Variants in MBP observed in about 807,000 individuals in gnomAD.
The protein encoded by MBP is Golli-MBP.
A neutral mutation model predicts 35.8 loss-of-function variants in MBP; 16 were observed. The ratio of observed to expected loss-of-function variants is 0.45; its 90% confidence interval spans 0.30 to 0.68. The LOEUF (loss-of-function observed/expected upper bound fraction) is 0.68. Among genes scored for constraint, MBP ranks in the 30% least tolerant of loss-of-function variants. The pLI, the probability that MBP is intolerant of heterozygous loss-of-function variation, is 0.08. For synonymous variants in MBP, 143 were observed against 159.6 expected (o/e 0.90, Z 0.78); for missense variants, 380 against 404.7 (o/e 0.94, Z 0.52).
intron 3 of MBP, among the ~76,000 whole-genome samples, chr18:77,037,195 G>C (rs1185244402): frequency 6.7e-6 from 1 of 149,136 alleles, no homozygotes. Context: ...TCACGTTTTG[G>C]AGACAGAGCT....
In MBP at chr18:77,089,748, C is replaced by A. The variant is rs533453789; in HGVS notation, c.51+15463G>T. 3.3e-5 allele frequency among the ~76,000 whole-genome samples: 5 copies of A among 152,334 alleles called. No homozygotes were observed. In the South Asian group the frequency reaches 1.0e-3, roughly 32 times the overall value. On this transcript the variant is annotated intron_variant, in intron 2 of 8. Coordinates refer to ENST00000355994, the MANE Select transcript of MBP (RefSeq NM_001025101.2). ...CCGTGACTTTTACGAATATTTTCTT[C>A]TTGGTCTGACAGCAAAAATACAGCA...
intron 2 of MBP, among the ~76,000 whole-genome samples, chr18:77,096,415 C>T (rs959219135): frequency 5.9e-5 from 9 of 152,012 alleles, no homozygotes; most frequent in Non-Finnish European, 1.0e-4. Context: ...AGGTGCAGAG[C>T]GTATGCCTCA....
At position 77,027,408 on chromosome 18, in the gene MBP, G is replaced by A. The variant is rs905710440; in HGVS notation, c.140-10140C>T. Among the ~76,000 whole-genome samples, 5 of 152,318 alleles carry A rather than the reference G, an allele frequency of 3.3e-5. No homozygotes were observed. In the South Asian group the frequency reaches 6.2e-4, roughly 19 times the overall value. On this transcript the variant is annotated intron_variant, in intron 3 of 8. Coordinates refer to ENST00000355994, the MANE Select transcript of MBP (RefSeq NM_001025101.2). ...CCGCACACGCCTGCTGAGGCCCACC[G>A]AGCAGAGGCTGCAACGTCTAGCCCT...
At chr18:77,093,522 G>C (rs1207987722) in intron 2 of MBP, 2 of 152,152 alleles carry the variant, frequency 1.3e-5, no homozygotes, top group South Asian at 4.1e-4. Flanking sequence ...AAAGGTCACC[G>C]TTTATCAGAT....
chr18:77,115,888 G>GAA (rs1486914036), intron 1 of MBP, among the ~76,000 whole-genome samples: 1 of 149,302 alleles, frequency 6.7e-6, no homozygotes, highest in East Asian at 2.0e-4. Context: ...TCTAATCAAG[G>GAA]AAAAGAAGGC....
intron 4 of MBP, chr18:77,013,262 A>T: frequency 2.0e-6 from 2 of 985,454 alleles, no homozygotes; most frequent in Non-Finnish European, 2.4e-6. Flanking sequence ...TTACCATGCA[A>T]GCTCACGATG....
chr18:77,066,269 G>T, intron 3 of MBP, 29 bp downstream of exon 3: 2 of 1,560,806 alleles, frequency 1.3e-6, no homozygotes, highest in Non-Finnish European at 1.8e-6. Flanking sequence ...ACCATGTGGC[G>T]CCATGTTGCC....
Position 77,101,811 on chromosome 18 carries a change from C to T in MBP, c.51+3400G>A, listed in dbSNP as rs979293835. ...AAACTTGCAAAGGAGACTGGAAGCT[C>T]CTGCAGGCAACAGACGAGGCCTCCC... On this transcript the variant is annotated intron_variant, in intron 2 of 8. Coordinates refer to ENST00000355994, the MANE Select transcript of MBP (RefSeq NM_001025101.2). This position sits in a 1 kb window ranked among gnomAD's most constrained non-coding sequence, Gnocchi z 4.3. Among the ~76,000 whole-genome samples, 1 of 152,200 alleles carries T rather than the reference C, an allele frequency of 6.6e-6. No individual in the cohort carries two copies. Among genetic ancestry groups the T allele is most frequent in the Non-Finnish European group, 1.5e-5 (1 of 68,038 alleles).
intron 4 of MBP, among the ~76,000 whole-genome samples, chr18:77,009,305 T>C (rs1385584986): frequency 6.6e-6 from 1 of 152,202 alleles, no homozygotes; most frequent in Non-Finnish European, 1.5e-5. Context: ...GCCACAGCGA[T>C]AGCCCACTTC....
At chr18:77,080,693 A>AT (rs901744059) in intron 2 of MBP, among the ~76,000 whole-genome samples, 7 of 125,320 alleles carry the variant, frequency 5.6e-5, no homozygotes, top group Non-Finnish European at 1.2e-4. Context: ...TTTATTATTT[A>AT]TTTTTTTTAT....
chr18:77,013,268 C>T (rs1056365589), intron 4 of MBP: 6 of 985,274 alleles, frequency 6.1e-6, no homozygotes, highest in Middle Eastern at 5.2e-4. Context: ...TGCAAGCTCA[C>T]GATGAATGAG....
intron 4 of MBP, chr18:77,014,047 G>C: frequency 1.0e-6 from 1 of 985,414 alleles, no homozygotes; most frequent in Non-Finnish European, 1.2e-6. Flanking sequence ...CTGACATTCC[G>C]GGGAACTGGG....
At chr18:77,035,807 C>T (rs58853075) in intron 3 of MBP, among the ~76,000 whole-genome samples, 5,067 of 152,300 alleles carry the variant, frequency 0.033, 188 homozygotes, top group East Asian at 0.14. Flanking sequence ...AGAACAAACA[C>T]GTTGCCAGGA....
At chr18:77,040,533 C>T (rs1396383843) in intron 3 of MBP, among the ~76,000 whole-genome samples, 10 of 152,206 alleles carry the variant, frequency 6.6e-5, no homozygotes, top group Non-Finnish European at 1.0e-4. Flanking sequence ...TCAAACTATA[C>T]TACAAGGCTA....
chr18:77,091,088 T>C (rs1367402267), intron 2 of MBP, among the ~76,000 whole-genome samples: 2 of 152,176 alleles, frequency 1.3e-5, no homozygotes, highest in Non-Finnish European at 2.9e-5. Flanking sequence ...GAAAACAACA[T>C]ACAAGCTAGC....
intron 4 of MBP, among the ~76,000 whole-genome samples, chr18:76,993,334 C>G (rs1037395403): frequency 6.6e-6 from 1 of 151,950 alleles, no homozygotes; most frequent in Non-Finnish European, 1.5e-5. Flanking sequence ...GGGCAGATTG[C>G]CTGAGGTCAG....
At chr18:76,986,844 G>A in intron 7 of MBP, 1 of 985,438 alleles carries the variant, frequency 1.0e-6, no homozygotes, top group African/African-American at 1.7e-5. Flanking sequence ...TTAACAATCT[G>A]CGCGGCCTTT....
At chr18:77,009,849 CT>C (rs1402014170) in intron 4 of MBP, 3 of 1,584,406 alleles carry the variant, frequency 1.9e-6, no homozygotes, top group Non-Finnish European at 2.6e-6. Flanking sequence ...GGCGTCTTAC[CT>C]TGTACATGTT....
intron 3 of MBP, among the ~76,000 whole-genome samples, chr18:77,033,964 A>T (rs79288523): frequency 0.066 from 9,765 of 148,836 alleles, 371 homozygotes; most frequent in Middle Eastern, 0.1. Flanking sequence ...ACCCTGACAG[A>T]GTCCCGCTCC....
Sources: allele counts gnomAD v4.1 joint callset (sites outside exome capture counted in the v4.1 genomes callset), GRCh38; gene constraint gnomAD v4.1.1; non-coding constraint Gnocchi (gnomAD v3.1); transcripts MANE v1.5; gene names NCBI Gene and HGNC (gene_info 2026-07-23, HGNC 2026-07-21).